The following FBN1 variants were observed in gnomAD, a reference collection of about 807,000 sequenced individuals.
FBN1 encodes the protein fibrillin 1.
Under a neutral mutation model 365.1 loss-of-function variants are expected in FBN1, and 29 were observed. That is an observed-to-expected ratio of 0.08 (90% CI 0.06 to 0.11). The LOEUF is 0.11. FBN1 is among the 10% of genes least tolerant of loss of function. The pLI, the probability that FBN1 is intolerant of heterozygous loss-of-function variation, is 1.00. For synonymous variants in FBN1, 1,210 were observed against 1,270.5 expected, an observed-to-expected ratio of 0.95 and a Z score of 1.01; for missense variants, 2,476 against 3,703.2, an observed-to-expected ratio of 0.67 and a Z score of 8.60.
chr15:48,626,708 G>GT (rs907450112), intron 2 of FBN1, among the ~76,000 whole-genome samples: 34 of 149,188 alleles, frequency 2.3e-4, no homozygotes, highest in East Asian at 3.9e-4. Flanking sequence ...AAAAACTTAA[G>GT]TTTTTTTTTT....
chr15:48,420,256 G>A (rs567867200), intron 63 of FBN1, among the ~76,000 whole-genome samples: 4 of 152,140 alleles, frequency 2.6e-5, no homozygotes, highest in Admixed American at 6.5e-5. Flanking sequence ...TCCTGCTTGC[G>A]CTCTGTCTCA....
chr15:48,490,106 A>G (rs759934051), intron 24 of FBN1, 28 bp from the exon 25 acceptor site: 100 of 1,600,464 alleles, frequency 6.2e-5, no homozygotes, highest in Non-Finnish European at 1.5e-5. Context: ...GGGAGGTTAA[A>G]TAGAGCCACA....
chr15:48,489,942 G>T lies in FBN1; in HGVS notation c.2991C>A (p.Pro997=), dbSNP rs1225275544. ...AWGTEECEEC[P]MRNTPEYEEL... is the part of the protein sequence containing the mutation. Reference sequence around the variant, plus strand: ...CCTCGTACTCAGGAGTATTTCTCATGGGACACTCCTCGCATTCCTCAGTAC... The same window carrying T: ...CCTCGTACTCAGGAGTATTTCTCATTGGACACTCCTCGCATTCCTCAGTAC... Residue 997 remains proline, a synonymous_variant, in exon 25 of 66, where the codon CCC becomes CCA. Coordinates refer to ENST00000316623, the MANE Select transcript of FBN1 (RefSeq NM_000138.5). The T allele has an allele frequency of 1.2e-6, 2 of 1,614,006 alleles. No homozygotes were observed. The highest frequency in any genetic ancestry group is 2.7e-5 in the African/African-American group (2 of 74,904).
At chr15:48,567,472 C>A (rs1257093655) in intron 6 of FBN1, among the ~76,000 whole-genome samples, 2 of 151,990 alleles carry the variant, frequency 1.3e-5, no homozygotes, top group African/African-American at 2.4e-5. Context: ...TTCTGTGAGC[C>A]AGGATTACCC....
chr15:48,521,976 A>G (rs1015172142), intron 9 of FBN1, among the ~76,000 whole-genome samples: 2 of 152,200 alleles, frequency 1.3e-5, no homozygotes, highest in African/African-American at 4.8e-5. Flanking sequence ...CTGTATTTAT[A>G]GCCACTCCCC....
chr15:48,513,513 A>G, intron 13 of FBN1, 36 bp downstream of exon 13: 5 of 1,613,806 alleles, frequency 3.1e-6, no homozygotes, highest in Non-Finnish European at 4.2e-6. Flanking sequence ...GTTAGCATAT[A>G]TGTCCCACAT....
At chr15:48,605,398 T>C (rs2044599428) in intron 4 of FBN1, among the ~76,000 whole-genome samples, 1 of 152,222 alleles carries the variant, frequency 6.6e-6, no homozygotes, top group African/African-American at 2.4e-5. Context: ...ACTGATAAGT[T>C]AGACTTACTC....
At chr15:48,623,253 T>TA (rs1236557480) in intron 2 of FBN1, among the ~76,000 whole-genome samples, 1 of 152,234 alleles carries the variant, frequency 6.6e-6, no homozygotes, top group Non-Finnish European at 1.5e-5. Flanking sequence ...CCACCGACAT[T>TA]AAAATCTGTG....
chr15:48,499,025 T>C lies in FBN1; in HGVS notation c.2127A>G (p.Ala709=). The C allele has an allele frequency of 6.2e-7, 1 of 1,614,152 alleles. No homozygotes were observed. The highest frequency in any genetic ancestry group is 8.5e-7 in the Non-Finnish European group (1 of 1,179,978). The change falls in exon 18 of 66, where the codon GCA becomes GCG. Residue 709 remains alanine (A), a synonymous_variant. Transcript: ENST00000316623. ...CPAQNSAEYQ[A]LCSSGPGMTS... The stretch of plus-strand genomic sequence containing the variant: ...TCATTCCTGGCCCACTGCTGCAGAG[T>C]GCCTGATATTCCGCTGCAATAAATT...
intron 43 of FBN1, 81 bp from the exon 44 acceptor site, chr15:48,456,843 CGTGT>C (rs3074895): frequency 1.1e-3 from 817 of 744,014 alleles, no homozygotes; most frequent in Non-Finnish European, 1.4e-3. Context: ...AAAGTGCGTG[CGTGT>C]GTGTGTGTGT....
intron 43 of FBN1, among the ~76,000 whole-genome samples, 154 bp from the exon 44 acceptor site, chr15:48,456,916 C>T (rs1030652929): frequency 2.7e-5 from 4 of 150,052 alleles, no homozygotes; most frequent in Non-Finnish European, 2.9e-5. Context: ...GGGACATCAA[C>T]GAATAGCAAA....
chr15:48,628,651 G>T (rs188990977), intron 2 of FBN1, among the ~76,000 whole-genome samples: 1 of 152,122 alleles, frequency 6.6e-6, no homozygotes. Context: ...CAACAAAGTC[G>T]CAGATAAGAA....
intron 2 of FBN1, among the ~76,000 whole-genome samples, chr15:48,627,307 T>C (rs183156891): frequency 1.3e-5 from 2 of 152,362 alleles, no homozygotes; most frequent in Non-Finnish European, 2.9e-5. Flanking sequence ...GATTGGCACT[T>C]CTGTTTCTGA....
chr15:48,462,912 T>C (rs2043290368), intron 42 of FBN1, among the ~76,000 whole-genome samples, 170 bp downstream of exon 42: 1 of 152,380 alleles, frequency 6.6e-6, no homozygotes, highest in African/African-American at 2.4e-5. Flanking sequence ...TGTGACTCAG[T>C]GTTCGGCTGG....
At chr15:48,497,563 T>G (rs2043618833) in intron 18 of FBN1, among the ~76,000 whole-genome samples, 172 bp from the exon 19 acceptor site, 1 of 152,204 alleles carries the variant, frequency 6.6e-6, no homozygotes, top group Admixed American at 6.5e-5. Context: ...TAAGATATTC[T>G]GAGTCCAATC....
At chr15:48,584,162 G>C (rs2044418064) in intron 6 of FBN1, among the ~76,000 whole-genome samples, 1 of 152,088 alleles carries the variant, frequency 6.6e-6, no homozygotes, top group South Asian at 2.1e-4. Context: ...GCCAGATCCT[G>C]TGCTAAGTAC....
At chr15:48,414,200 A>T (rs1340238077) in intron 64 of FBN1, among the ~76,000 whole-genome samples, 1 of 152,194 alleles carries the variant, frequency 6.6e-6, no homozygotes, top group Admixed American at 6.5e-5. Context: ...TCTGGCATTA[A>T]ACTATAAAGA....
intron 5 of FBN1, 152 bp downstream of exon 5, chr15:48,599,987 T>C (rs574148687): frequency 3.2e-4 from 209 of 649,444 alleles, no homozygotes; most frequent in Non-Finnish European, 1.8e-4. Context: ...GTTTTTTGAG[T>C]AAGTGATTTG....
chr15:48,468,271 T>C, intron 37 of FBN1, 141 bp downstream of exon 37: 2 of 1,345,326 alleles, frequency 1.5e-6, no homozygotes, highest in Non-Finnish European at 2.1e-6. Flanking sequence ...ATGGAAAAGA[T>C]ATCTGAATCT....
Sources: allele counts gnomAD v4.1 joint callset (sites outside exome capture counted in the v4.1 genomes callset), GRCh38; gene constraint gnomAD v4.1.1; transcripts MANE v1.5; gene names NCBI Gene and HGNC (gene_info 2026-07-23, HGNC 2026-07-21).